PUS10: variants seen among roughly 807,000 people sequenced by gnomAD.
The protein encoded by PUS10 is pseudouridine synthase 10.
PUS10 carries 59 observed loss-of-function variants against 75.0 expected under a neutral mutation model. The observed-to-expected ratio is 0.79, with a 90% CI of 0.64 to 0.98. The LOEUF (loss-of-function observed/expected upper bound fraction) is 0.98. PUS10 is among the 50% of genes least tolerant of loss of function. The probability of loss-of-function intolerance (pLI) is 0.00; values close to 1 mark genes in which losing one functional copy is unlikely to be tolerated. For missense variants in PUS10, 650 were observed against 614.4 expected (o/e 1.06, Z -0.61); for synonymous variants, 219 against 211.6 (o/e 1.03, Z -0.30).
At chr2:60,965,623 A>G (rs1410552561) in intron 6 of PUS10, 139 bp from the exon 7 acceptor site, 3 of 608,418 alleles carry the variant, frequency 4.9e-6, no homozygotes, top group East Asian at 3.0e-5. Context: ...ACTGCTCTCA[A>G]ATCAACTTGT....
intron 14 of PUS10, 81 bp downstream of exon 14, chr2:60,953,852 G>A (rs532493412): frequency 4.9e-4 from 488 of 1,003,778 alleles, no homozygotes; most frequent in Non-Finnish European, 7.2e-4. Context: ...TATATATTCT[G>A]GATGCAATTC....
intron 4 of PUS10, among the ~76,000 whole-genome samples, chr2:60,994,863 C>T (rs1329331291): frequency 2.6e-5 from 4 of 152,140 alleles, no homozygotes; most frequent in African/African-American, 4.8e-5. Context: ...CTGAAGCAGG[C>T]GGATCACCTG....
chr2:60,950,909 G>A (rs1675295639), intron 15 of PUS10, among the ~76,000 whole-genome samples: 1 of 152,016 alleles, frequency 6.6e-6, no homozygotes, highest in Admixed American at 6.6e-5. Flanking sequence ...TTAAATTTTT[G>A]CAGTCATTAC....
At position 61,018,184 on chromosome 2, in the gene PUS10, C is replaced by T. The variant is rs748763430; in HGVS notation, c.-192G>A. ...CAGAATGGCTTCTCTATCTTTAAAG[C>T]GTAGACTTTGGTCTGTAGCAGTTGA... On this transcript the variant is annotated 5_prime_UTR_variant, in exon 1 of 18. Transcript: ENST00000316752. 1 of 1,550,886 alleles carries T rather than the reference C, an allele frequency of 6.4e-7. No individual in the cohort carries two copies. The highest frequency in any genetic ancestry group is 1.2e-5 in the South Asian group (1 of 84,056).
chr2:60,997,961 C>A (rs1371094822), intron 4 of PUS10, among the ~76,000 whole-genome samples: 1 of 152,064 alleles, frequency 6.6e-6, no homozygotes, highest in Non-Finnish European at 1.5e-5. Flanking sequence ...AAATAAAAAT[C>A]GAGAAGCCAT....
chr2:60,979,159 G>A (rs1677229432), intron 4 of PUS10, among the ~76,000 whole-genome samples: 2 of 126,586 alleles, frequency 1.6e-5, no homozygotes, highest in Admixed American at 1.8e-4. Context: ...ATACACATAT[G>A]CATACATACA....
chr2:60,947,791 C>A (rs1259106303), intron 16 of PUS10, among the ~76,000 whole-genome samples: 19 of 143,162 alleles, frequency 1.3e-4, no homozygotes, highest in Non-Finnish European at 1.5e-5. Context: ...ATGGCGCCAC[C>A]GCACTCCAGC....
At chr2:60,962,213 T>G (rs985642349) in intron 9 of PUS10, among the ~76,000 whole-genome samples, 1 of 152,226 alleles carries the variant, frequency 6.6e-6, no homozygotes, top group Non-Finnish European at 1.5e-5. Flanking sequence ...GTCTACTCTA[T>G]TACTAGCTTA....
At chr2:60,989,000 T>C (rs1203181670) in intron 4 of PUS10, among the ~76,000 whole-genome samples, 1 of 152,008 alleles carries the variant, frequency 6.6e-6, no homozygotes, top group Non-Finnish European at 1.5e-5. Context: ...TAAAACTGCA[T>C]AAAATCCACT....
chr2:60,973,360 GC>G (rs1050507829), intron 4 of PUS10, among the ~76,000 whole-genome samples: 3 of 152,152 alleles, frequency 2.0e-5, no homozygotes, highest in East Asian at 1.9e-4. Context: ...ACCCGGGAAG[GC>G]CCCCCCGTTG....
chr2:60,963,298 C>T (rs1284686976), intron 8 of PUS10, among the ~76,000 whole-genome samples: 2 of 152,220 alleles, frequency 1.3e-5, no homozygotes, highest in Admixed American at 6.5e-5. Context: ...TTCTTTCCTA[C>T]ATCCCTTCAG....
chr2:61,016,808 T>TC (rs1680013567), intron 1 of PUS10, among the ~76,000 whole-genome samples: 1 of 152,088 alleles, frequency 6.6e-6, no homozygotes. Context: ...GAGTCTCATA[T>TC]CCTAAGATCT....
At chr2:60,973,518 C>T (rs569217860) in intron 4 of PUS10, among the ~76,000 whole-genome samples, 16 of 152,378 alleles carry the variant, frequency 1.1e-4, no homozygotes, top group East Asian at 1.9e-4. Context: ...AGTGCTGACA[C>T]GCCAGCCCCA....
At chr2:60,967,972 A>G (rs1676443654) in intron 5 of PUS10, among the ~76,000 whole-genome samples, 1 of 152,194 alleles carries the variant, frequency 6.6e-6, no homozygotes, top group Non-Finnish European at 1.5e-5. Context: ...CTCACAAACT[A>G]TAAAACTGTG....
At chr2:60,998,003 T>A (rs982896430) in intron 4 of PUS10, among the ~76,000 whole-genome samples, 1 of 152,144 alleles carries the variant, frequency 6.6e-6, no homozygotes, top group African/African-American at 2.4e-5. Flanking sequence ...AAAATACACA[T>A]GCTAAATCAG....
chr2:60,990,305 G>A lies in PUS10; in HGVS notation c.468+16252C>T, dbSNP rs191575522. ...CCTCCTGAGGACAACTAGAAAAGCT[G>A]GACAACTAAAAAAAAATTGCATGAA... is the stretch of plus-strand genomic sequence containing the variant. On this transcript the variant is annotated intron_variant, in intron 4 of 17. Coordinates refer to ENST00000316752, the MANE Select transcript of PUS10 (RefSeq NM_144709.4). 9.4e-4 allele frequency among the ~76,000 whole-genome samples: 143 copies of A among 152,150 alleles called. 2 individuals are homozygous for A. The highest frequency in any genetic ancestry group is 1.1e-3 in the Non-Finnish European group (75 of 68,004).
intron 4 of PUS10, among the ~76,000 whole-genome samples, chr2:60,978,973 C>G (rs1677210256): frequency 6.6e-6 from 1 of 152,126 alleles, no homozygotes; most frequent in Admixed American, 6.5e-5. Flanking sequence ...TTACACATCT[C>G]TTGGACTCAT....
intron 1 of PUS10, among the ~76,000 whole-genome samples, chr2:61,012,405 T>G (rs1350424163): frequency 6.6e-6 from 1 of 152,114 alleles, no homozygotes; most frequent in Non-Finnish European, 1.5e-5. Context: ...TTCTCTGACC[T>G]TCTGCCCTCC....
At chr2:60,942,604 C>T (rs952184064) in intron 17 of PUS10, among the ~76,000 whole-genome samples, 171 bp from the exon 18 acceptor site, 1 of 152,128 alleles carries the variant, frequency 6.6e-6, no homozygotes, top group African/African-American at 2.4e-5. Context: ...TCTAGGTATT[C>T]TTGGGCCTGA....
Sources: allele counts gnomAD v4.1 joint callset (sites outside exome capture counted in the v4.1 genomes callset), GRCh38; gene constraint gnomAD v4.1.1; transcripts MANE v1.5; gene names NCBI Gene and HGNC (gene_info 2026-07-23, HGNC 2026-07-21).